Variants in ENPP6 observed in about 807,000 individuals in gnomAD.
The protein encoded by ENPP6 is ectonucleotide pyrophosphatase/phosphodiesterase 6, also known as glycerophosphocholine cholinephosphodiesterase ENPP6.
In ENPP6, 32 loss-of-function variants were observed where a neutral mutation model predicts 42.0. That is an observed-to-expected ratio of 0.76 (90% CI 0.58 to 1.02). The LOEUF is 1.02. ENPP6 is among the 50% of genes least tolerant of loss of function. The pLI, the probability that ENPP6 is intolerant of heterozygous loss-of-function variation, is 0.00. For synonymous variants in ENPP6, 213 were observed against 216.0 expected (o/e 0.99, Z 0.12); for missense variants, 552 against 566.8 (o/e 0.97, Z 0.27).
chr4:184,122,337 G>A (rs963569097), intron 3 of ENPP6, among the ~76,000 whole-genome samples: 1 of 151,866 alleles, frequency 6.6e-6, no homozygotes, highest in African/African-American at 2.4e-5. Context: ...CCCTTTCCTG[G>A]GCTTCCGGTT....
chr4:184,187,920 A>AGAAT (rs1350141655), intron 1 of ENPP6, among the ~76,000 whole-genome samples: 4 of 152,236 alleles, frequency 2.6e-5, no homozygotes, highest in Admixed American at 2.6e-4. Flanking sequence ...TGTTGAATGA[A>AGAAT]GAATGAATGA....
In ENPP6 at chr4:184,186,395, AG is replaced by A. The variant is rs555645599; in HGVS notation, c.241+31183del. On this transcript the variant is annotated intron_variant, in intron 1 of 7. Transcript: ENST00000296741. ...CTAAAAAGACGCAAAGTAGATTAGC[AG>A]TTTTCTGGGGGCGGGGTGGTGGCAA... 3.0e-3 allele frequency among the ~76,000 whole-genome samples: 463 copies of A among 152,330 alleles called. 3 individuals carry two copies. The highest frequency in any genetic ancestry group is 0.011 in the African/African-American group (450 of 41,578).
intron 1 of ENPP6, among the ~76,000 whole-genome samples, chr4:184,205,006 C>T (rs1732971955): frequency 6.6e-6 from 1 of 152,150 alleles, no homozygotes; most frequent in African/African-American, 2.4e-5. Flanking sequence ...TCTTGGCTCA[C>T]TGCAACCTCC....
chr4:184,136,046 C>G (rs886855551), intron 2 of ENPP6, among the ~76,000 whole-genome samples: 1 of 152,024 alleles, frequency 6.6e-6, no homozygotes, highest in Non-Finnish European at 1.5e-5. Flanking sequence ...TCCTCTCCTT[C>G]TTTAATTTCT....
chr4:184,194,176 C>T (rs949277120), intron 1 of ENPP6, among the ~76,000 whole-genome samples: 6 of 152,168 alleles, frequency 3.9e-5, no homozygotes, highest in Non-Finnish European at 5.9e-5. Flanking sequence ...TCCGGGCCTT[C>T]GCGGCTGCTA....
chr4:184,192,532 G>C (rs1170724560), intron 1 of ENPP6, among the ~76,000 whole-genome samples: 2 of 152,112 alleles, frequency 1.3e-5, no homozygotes, highest in African/African-American at 2.4e-5. Context: ...ACGATGTTGG[G>C]TTAGGCAATT....
At position 184,184,614 on chromosome 4, in the gene ENPP6, G is replaced by C. The variant is rs1370187554; in HGVS notation, c.242-30881C>G. ...TCTTAGCAGATGTCACTAAGTTAAG[G>C]GTTTCAGGATGAGGTCGTCCTGGGT... On this transcript the variant is annotated intron_variant, in intron 1 of 7. Coordinates refer to ENST00000296741, the MANE Select transcript of ENPP6 (RefSeq NM_153343.4). The surrounding 1 kb of genome is among the most constrained non-coding windows in gnomAD (Gnocchi z 4.7). 6.6e-6 allele frequency among the ~76,000 whole-genome samples: 1 copy of C among 152,142 alleles called. No individual in the cohort carries two copies. Among genetic ancestry groups the C allele is most frequent in the Non-Finnish European group, 1.5e-5 (1 of 68,024 alleles).
intron 1 of ENPP6, among the ~76,000 whole-genome samples, chr4:184,205,798 CT>C (rs1732986642): frequency 6.6e-6 from 1 of 152,134 alleles, no homozygotes; most frequent in Non-Finnish European, 1.5e-5. Flanking sequence ...GAGGATCGAC[CT>C]TGAAAGGTCA....
chr4:184,143,799 A>T (rs1736871612), intron 2 of ENPP6, among the ~76,000 whole-genome samples: 1 of 152,210 alleles, frequency 6.6e-6, no homozygotes, highest in African/African-American at 2.4e-5. Context: ...ATGGATCTGG[A>T]ATCCATGTTC....
chr4:184,133,572 A>T (rs9784555), intron 2 of ENPP6, among the ~76,000 whole-genome samples: 93,779 of 151,854 alleles, frequency 0.62, 29,526 homozygotes, highest in Non-Finnish European at 0.68. Flanking sequence ...TAATTGTTTT[A>T]TCCCTGTCAT....
intron 1 of ENPP6, among the ~76,000 whole-genome samples, chr4:184,167,625 A>C (rs1737373684): frequency 1.3e-5 from 2 of 152,200 alleles, no homozygotes; most frequent in Admixed American, 6.5e-5. Context: ...AAGTGGAAGC[A>C]AGCTCATTTT....
At chr4:184,100,949 G>C (rs1280997330) in intron 6 of ENPP6, among the ~76,000 whole-genome samples, 1 of 152,184 alleles carries the variant, frequency 6.6e-6, no homozygotes, top group Non-Finnish European at 1.5e-5. Context: ...GAGGGAGGAA[G>C]GGGGCTGCAG....
chr4:184,169,247 C>T (rs11132227), intron 1 of ENPP6, among the ~76,000 whole-genome samples: 31,980 of 152,010 alleles, frequency 0.21, 4,368 homozygotes, highest in Admixed American at 0.33. Context: ...AGCGAGGAGC[C>T]GCATTCCTGC....
intron 2 of ENPP6, among the ~76,000 whole-genome samples, chr4:184,147,946 C>T (rs1736956547): frequency 6.6e-6 from 1 of 152,218 alleles, no homozygotes; most frequent in African/African-American, 2.4e-5. Context: ...GCCTTAGCAC[C>T]TGCTGCTCCT....
intron 1 of ENPP6, among the ~76,000 whole-genome samples, chr4:184,174,437 T>C (rs947881550): frequency 6.6e-6 from 1 of 152,154 alleles, no homozygotes; most frequent in Non-Finnish European, 1.5e-5. Flanking sequence ...ATAGACAAGA[T>C]ACTATCACCT....
At chr4:184,189,110 G>A (rs904164573) in intron 1 of ENPP6, among the ~76,000 whole-genome samples, 1 of 152,178 alleles carries the variant, frequency 6.6e-6, no homozygotes, top group South Asian at 2.1e-4. Context: ...GGCCGTGCTG[G>A]GAAAGTGGAT....
In ENPP6 at chr4:184,090,785, C is replaced by T. The variant is rs1735775409; in HGVS notation, c.*392G>A. 2.7e-6 allele frequency: 1 copy of T among 368,680 alleles called. No homozygotes were observed. The highest frequency in any genetic ancestry group is 4.8e-6 in the Non-Finnish European group (1 of 206,282). 22.8% of individuals were successfully genotyped at this position (368,680 alleles called of 1,614,324 possible). ...GGTGTGGACAGGGCACAGACAAGGGCCTGGTCTGAGGGGGTCCTTTGTGCA... is the reference window on the plus strand; with the variant it reads ...GGTGTGGACAGGGCACAGACAAGGGTCTGGTCTGAGGGGGTCCTTTGTGCA... On this transcript the variant is annotated 3_prime_UTR_variant, in exon 8 of 8. Coordinates refer to ENST00000296741, the MANE Select transcript of ENPP6 (RefSeq NM_153343.4).
At chr4:184,171,626 T>G (rs1168294124) in intron 1 of ENPP6, among the ~76,000 whole-genome samples, 1 of 152,224 alleles carries the variant, frequency 6.6e-6, no homozygotes, top group East Asian at 1.9e-4. Context: ...GACATACATT[T>G]GTCACAGCTT....
intron 1 of ENPP6, among the ~76,000 whole-genome samples, chr4:184,189,291 T>A (rs909693728): frequency 3.3e-5 from 5 of 152,152 alleles, no homozygotes; most frequent in Non-Finnish European, 1.5e-5. Context: ...CCAAAAAGAA[T>A]TAGACTTTGT....
Sources: allele counts gnomAD v4.1 joint callset (sites outside exome capture counted in the v4.1 genomes callset), GRCh38; gene constraint gnomAD v4.1.1; non-coding constraint Gnocchi (gnomAD v3.1); transcripts MANE v1.5; gene names NCBI Gene and HGNC (gene_info 2026-07-23, HGNC 2026-07-21).